OSTN: variants seen among roughly 807,000 people sequenced by gnomAD.
OSTN encodes osteocrin.
In OSTN, 9 loss-of-function variants were observed where a neutral mutation model predicts 12.0. The observed-to-expected ratio is 0.75, with a 90% CI of 0.45 to 1.30. The LOEUF (loss-of-function observed/expected upper bound fraction) is 1.30. Ranked by LOEUF, OSTN falls within the 50% of genes most tolerant of loss-of-function variation. The pLI is 0.00. For missense variants in OSTN, 148 were observed against 152.3 expected (o/e 0.97, Z 0.15); for synonymous variants, 59 against 56.9 (o/e 1.04, Z -0.16).
chr3:191,210,141 AGAGC>A (rs1714381264), intron 1 of OSTN, among the ~76,000 whole-genome samples: 1 of 152,248 alleles, frequency 6.6e-6, no homozygotes, highest in South Asian at 2.1e-4. Context: ...TCACATGGCC[AGAGC>A]AGGAGGAAAA....
intron 4 of OSTN, among the ~76,000 whole-genome samples, chr3:191,256,951 G>A (rs1419002981): frequency 6.6e-6 from 1 of 151,942 alleles, no homozygotes; most frequent in Non-Finnish European, 1.5e-5. Context: ...GGAGGCCAAG[G>A]CAAGAGGACC....
In OSTN at chr3:191,265,218, T is replaced by C. The variant is rs988011138; in HGVS notation, c.*2365T>C. 3 of 152,214 alleles carry C rather than the reference T, an allele frequency of 2.0e-5. No individual in the cohort carries two copies. Among genetic ancestry groups the C allele is most frequent in the Admixed American group, 1.3e-4 (2 of 15,286 alleles). 9.4% of individuals were successfully genotyped at this position (152,214 alleles called of 1,614,324 possible). ...TTACTAATCCAACTATATTTCAACT[T>C]GAAGGGACTTTTTTGTTTTGTTTCA... On this transcript the variant is annotated 3_prime_UTR_variant, in exon 5 of 5. Transcript: ENST00000682035.
At chr3:191,219,455 G>A (rs1468328886) in intron 3 of OSTN, among the ~76,000 whole-genome samples, 3 of 152,150 alleles carry the variant, frequency 2.0e-5, no homozygotes, top group Admixed American at 1.3e-4. Context: ...TATGTGACTT[G>A]TAAAGTATCT....
intron 1 of OSTN, among the ~76,000 whole-genome samples, chr3:191,208,145 A>T (rs1041123458): frequency 9.9e-5 from 15 of 151,022 alleles, no homozygotes; most frequent in Admixed American, 6.6e-4. Flanking sequence ...ATGATGTGCT[A>T]AAAAAAAATG....
intron 1 of OSTN, among the ~76,000 whole-genome samples, chr3:191,208,832 C>T (rs1280547657): frequency 6.6e-6 from 1 of 152,140 alleles, no homozygotes; most frequent in African/African-American, 2.4e-5. Context: ...TGTAGTTTGT[C>T]TTTGATTAAA....
chr3:191,223,634 T>C (rs1714826037), intron 3 of OSTN, among the ~76,000 whole-genome samples: 1 of 152,130 alleles, frequency 6.6e-6, no homozygotes, highest in South Asian at 2.1e-4. Flanking sequence ...CTGAATTTTA[T>C]AAATCTTGTA....
chr3:191,233,992 C>CA (rs770286956), intron 3 of OSTN, among the ~76,000 whole-genome samples: 11,995 of 131,576 alleles, frequency 0.091, 1,556 homozygotes, highest in African/African-American at 0.29. Context: ...AACTCCATCT[C>CA]AAAAAAAAAA....
chr3:191,208,755 T>C (rs75156071), intron 1 of OSTN, among the ~76,000 whole-genome samples: 28 of 152,316 alleles, frequency 1.8e-4, no homozygotes, highest in African/African-American at 6.5e-4. Context: ...GGCATATAAA[T>C]TTGGGCAATT....
At chr3:191,211,985 T>C (rs1207696856) in intron 1 of OSTN, among the ~76,000 whole-genome samples, 1 of 152,196 alleles carries the variant, frequency 6.6e-6, no homozygotes, top group Non-Finnish European at 1.5e-5. Context: ...TTAATTTTGA[T>C]ATAAAAACAT....
chr3:191,248,888 G>T (rs754913481), intron 3 of OSTN, among the ~76,000 whole-genome samples: 26 of 152,200 alleles, frequency 1.7e-4, no homozygotes, highest in Non-Finnish European at 8.8e-5. Flanking sequence ...GGTTGAGGCT[G>T]CAGTAAGCCA....
intron 1 of OSTN, among the ~76,000 whole-genome samples, chr3:191,205,009 G>A (rs6783494): frequency 0.4 from 60,888 of 151,886 alleles, 12,903 homozygotes; most frequent in African/African-American, 0.54. Context: ...TTTAGTTTCC[G>A]TTGTAAAGTT....
chr3:191,249,869 T>A (rs542253626), intron 3 of OSTN, among the ~76,000 whole-genome samples, 168 bp from the exon 4 acceptor site: 1 of 152,266 alleles, frequency 6.6e-6, no homozygotes, highest in South Asian at 2.1e-4. Context: ...CCACAGATGT[T>A]GAAAATATGA....
intron 1 of OSTN, among the ~76,000 whole-genome samples, chr3:191,212,330 A>G (rs143820347): frequency 6.6e-6 from 1 of 152,350 alleles, no homozygotes; most frequent in African/African-American, 2.4e-5. Context: ...GTCTCCATGG[A>G]AAAGAAACCT....
chr3:191,225,745 G>A (rs1002597880), intron 3 of OSTN, among the ~76,000 whole-genome samples: 4 of 152,058 alleles, frequency 2.6e-5, no homozygotes, highest in Admixed American at 2.6e-4. Context: ...AATACTAGAT[G>A]TTCTCACTTA....
intron 1 of OSTN, among the ~76,000 whole-genome samples, chr3:191,209,173 A>G (rs1294146969): frequency 1.4e-5 from 1 of 73,548 alleles, no homozygotes; most frequent in East Asian, 2.3e-4. Context: ...ATAAATAAAT[A>G]AAAAAGATAT....
intron 1 of OSTN, among the ~76,000 whole-genome samples, chr3:191,201,109 AT>A (rs893680557): frequency 2.6e-5 from 4 of 151,766 alleles, no homozygotes; most frequent in East Asian, 1.9e-4. Context: ...TTATTTATTT[AT>A]TTTTTTTAGC....
intron 2 of OSTN, among the ~76,000 whole-genome samples, chr3:191,217,525 A>G (rs1319879207): frequency 6.6e-6 from 1 of 152,088 alleles, no homozygotes; most frequent in Admixed American, 6.6e-5. Context: ...ACGATCTTAG[A>G]AAAAAAAGCA....
chr3:191,224,278 G>A (rs1714849449), intron 3 of OSTN, among the ~76,000 whole-genome samples: 1 of 151,722 alleles, frequency 6.6e-6, no homozygotes, highest in Non-Finnish European at 1.5e-5. Context: ...TTGGGAGGCT[G>A]AGGCAGGAGA....
chr3:191,235,289 C>T (rs558262358), intron 3 of OSTN, among the ~76,000 whole-genome samples: 2 of 152,232 alleles, frequency 1.3e-5, no homozygotes, highest in South Asian at 4.2e-4. Flanking sequence ...TTATATGTGA[C>T]CCCAAACCAT....
Sources: gnomAD v4.1 joint callset for allele counts (sites outside exome capture counted in the v4.1 genomes callset) on GRCh38, gnomAD v4.1.1 for gene constraint, MANE v1.5 for transcripts, NCBI Gene and HGNC (gene_info 2026-07-23, HGNC 2026-07-21) for gene names.